ZNF512: variants seen among roughly 807,000 people sequenced by gnomAD.
ZNF512 encodes the protein zinc finger protein 512.
ZNF512 carries 25 observed loss-of-function variants against 77.5 expected under a neutral mutation model. That is an observed-to-expected ratio of 0.32 (90% CI 0.23 to 0.45). The LOEUF (loss-of-function observed/expected upper bound fraction) is 0.45. Ranked by LOEUF, ZNF512 falls within the 20% of genes least tolerant of loss-of-function variation. The pLI, the probability that ZNF512 is intolerant of heterozygous loss-of-function variation, is 1.00. For synonymous variants in ZNF512, 246 were observed against 239.9 expected (o/e 1.03, Z -0.24); for missense variants, 483 against 692.6 (o/e 0.70, Z 3.40).
chr2:27,595,638 T>C (rs1671833367), intron 2 of ZNF512, among the ~76,000 whole-genome samples: 1 of 152,222 alleles, frequency 6.6e-6, no homozygotes, highest in Non-Finnish European at 1.5e-5. Flanking sequence ...CTGGGTCATT[T>C]CTATTGAACG....
At chr2:27,605,770 C>T (rs1672328315) in intron 9 of ZNF512, among the ~76,000 whole-genome samples, 1 of 152,078 alleles carries the variant, frequency 6.6e-6, no homozygotes, top group South Asian at 2.1e-4. Context: ...GCCACTGCAC[C>T]TGGCAAAAAA....
At chr2:27,584,816 G>A (rs749311035) in intron 2 of ZNF512, among the ~76,000 whole-genome samples, 13 of 152,178 alleles carry the variant, frequency 8.5e-5, no homozygotes, top group Admixed American at 3.3e-4. Flanking sequence ...GGATTGCAGG[G>A]AGAGCGTTTA....
chr2:27,610,542 G>A (rs1225279478), intron 10 of ZNF512, among the ~76,000 whole-genome samples: 8 of 42,008 alleles, frequency 1.9e-4, no homozygotes, highest in African/African-American at 7.9e-4. Flanking sequence ...ATATATGTGT[G>A]TGTATATATA....
Position 27,621,342 on chromosome 2 carries a change from A to C in ZNF512, c.1585A>C (p.Arg529=). ...LSLRVGKDQR[R]NNEELVVSAS... Reference sequence around the variant, plus strand: ...TCTTAGAGTAGGGAAGGATCAGAGGAGGAATAATGAGGAACTGGTAGTGTC... The same window carrying C: ...TCTTAGAGTAGGGAAGGATCAGAGGCGGAATAATGAGGAACTGGTAGTGTC... The change falls in exon 14 of 14, where the codon AGG becomes CGG. Residue 529 remains arginine (R), a synonymous_variant. Coordinates refer to ENST00000355467, the MANE Select transcript of ZNF512 (RefSeq NM_032434.4). The C allele has an allele frequency of 1.2e-6, 2 of 1,614,166 alleles. No homozygotes were observed. Among genetic ancestry groups the C allele is most frequent in the Non-Finnish European group, 8.5e-7 (1 of 1,180,024 alleles).
rs1189054796 is a variant in ZNF512 at position 27,622,909 on chromosome 2, G to T, written c.*1448G>T. ...CCTGAATTGGATACTGCCAGAATAGGTAGTTTTGAAACAAGTTAAGGACAT... is the reference window on the plus strand; with the variant it reads ...CCTGAATTGGATACTGCCAGAATAGTTAGTTTTGAAACAAGTTAAGGACAT... On this transcript the variant is annotated 3_prime_UTR_variant, in exon 14 of 14. Transcript: ENST00000355467. The T allele has an allele frequency of 1.3e-5, 2 of 152,754 alleles. No individual in the cohort carries two copies. The highest frequency in any genetic ancestry group is 2.9e-5 in the Non-Finnish European group (2 of 68,036). 9.5% of individuals were successfully genotyped at this position (152,754 alleles called of 1,614,324 possible).
intron 2 of ZNF512, among the ~76,000 whole-genome samples, chr2:27,592,989 C>A (rs1211107238): frequency 6.6e-6 from 1 of 151,708 alleles, no homozygotes; most frequent in African/African-American, 2.4e-5. Flanking sequence ...CTGGCTGATA[C>A]ATTTATATTC....
Position 27,614,227 on chromosome 2 carries a change from G to A in ZNF512, c.1132-941G>A, listed in dbSNP as rs913914712. Among the ~76,000 whole-genome samples, 7 of 152,146 alleles carry A rather than the reference G, an allele frequency of 4.6e-5. No individual in the cohort carries two copies. The East Asian group carries it at 1.4e-3, about 29-fold the overall frequency. On this transcript the variant is annotated intron_variant, in intron 10 of 13. Coordinates refer to ENST00000355467, the MANE Select transcript of ZNF512 (RefSeq NM_032434.4). The stretch of plus-strand genomic sequence containing the variant: ...AGATTGTTTACTCACCAGAAATATA[G>A]CTATTTACCCATGGTGGACTTTGCA...
chr2:27,591,546 C>G (rs1671579637), intron 2 of ZNF512, among the ~76,000 whole-genome samples: 1 of 152,188 alleles, frequency 6.6e-6, no homozygotes, highest in African/African-American at 2.4e-5. Flanking sequence ...TCCCGAGTAG[C>G]TGGGACTACA....
rs1485764818 is a variant in ZNF512, at chr2:27,622,943, C to T, written c.*1482C>T. 2 of 152,806 alleles carry T rather than the reference C, an allele frequency of 1.3e-5. No individual in the cohort carries two copies. The highest frequency in any genetic ancestry group is 2.9e-5 in the Non-Finnish European group (2 of 68,044). The allele number at this position is 152,806 out of a possible 1,614,324, so 9.5% of individuals were successfully genotyped here. A position where few individuals can be genotyped will look rare whatever the true frequency, so the allele number is the denominator to read the frequency against. On this transcript the variant is annotated 3_prime_UTR_variant, in exon 14 of 14. Coordinates refer to ENST00000355467, the MANE Select transcript of ZNF512 (RefSeq NM_032434.4). ...AAACAAGTTAAGGACATGGTATATG[C>T]ACTCTGCATTTTCATTGGCAGTGTG...
At chr2:27,605,565 T>C (rs1672318899) in intron 9 of ZNF512, among the ~76,000 whole-genome samples, 1 of 151,840 alleles carries the variant, frequency 6.6e-6, no homozygotes, top group Admixed American at 6.6e-5. Flanking sequence ...TACCTCTGCC[T>C]CCCGGGCTCA....
In ZNF512 at chr2:27,621,388, A is replaced by G; in HGVS notation, c.1631A>G (p.Glu544Gly). The G allele has an allele frequency of 6.2e-7, 1 of 1,614,078 alleles. No individual in the cohort carries two copies. Among genetic ancestry groups the G allele is most frequent in the East Asian group, 2.2e-5 (1 of 44,886 alleles). ...LVVSASCKEP[E>G]QEPVPAQFQK... Reference sequence around the variant, plus strand: ...GTGTCAGCCTCCTGTAAGGAACCAGAGCAGGAGCCAGTGCCAGCACAGTTC... The same window carrying G: ...GTGTCAGCCTCCTGTAAGGAACCAGGGCAGGAGCCAGTGCCAGCACAGTTC... The change falls in exon 14 of 14, where the codon GAG (glutamate) becomes GGG (glycine). Residue 544 changes from glutamate to glycine, a missense_variant. Physicochemically the swap from Glu to Gly is moderately conservative, Grantham distance 98 (BLOSUM62 -2). This residue lies in a region of ZNF512 where 324 missense variants were observed against 525.0 expected (regional missense o/e 0.62). Coordinates refer to ENST00000355467, the MANE Select transcript of ZNF512 (RefSeq NM_032434.4).
At chr2:27,598,320 T>C in intron 3 of ZNF512, 66 bp downstream of exon 3, 1 of 1,500,900 alleles carries the variant, frequency 6.7e-7, no homozygotes, top group Non-Finnish European at 9.1e-7. Context: ...GAGATTGTTA[T>C]AAATACCTCT....
rs1572920569 is a variant in ZNF512 at position 27,603,296 on chromosome 2, G to C, written c.925G>C (p.Glu309Gln). Reference sequence around the variant, plus strand: ...TGGACTTGCATATCACCTGAGGTCAGAGCATGGGCCTGTGAGTACTGATTC... The same window carrying C: ...TGGACTTGCATATCACCTGAGGTCACAGCATGGGCCTGTGAGTACTGATTC... ...KAGLAYHLRS[E>Q]HGPISFFPES... is the part of the protein sequence containing the mutation. Residue 309 changes from glutamate (E) to glutamine (Q), a missense_variant, in exon 9 of 14, where the codon GAG becomes CAG. By Grantham distance (29) the Glu-to-Gln change is conservative. Coordinates refer to ENST00000355467, the MANE Select transcript of ZNF512 (RefSeq NM_032434.4). The C allele has an allele frequency of 1.9e-6, 3 of 1,613,870 alleles. No individual in the cohort carries two copies. The highest frequency in any genetic ancestry group is 2.5e-6 in the Non-Finnish European group (3 of 1,179,892).
chr2:27,588,333 T>A (rs927512865), intron 2 of ZNF512, among the ~76,000 whole-genome samples: 5 of 152,060 alleles, frequency 3.3e-5, no homozygotes, highest in Non-Finnish European at 7.4e-5. Flanking sequence ...TAAGAAATAA[T>A]AATAATTAAA....
At chr2:27,614,055 T>G (rs1379554237) in intron 10 of ZNF512, among the ~76,000 whole-genome samples, 1 of 152,162 alleles carries the variant, frequency 6.6e-6, no homozygotes, top group Non-Finnish European at 1.5e-5. Flanking sequence ...TCTATAAAAG[T>G]ATTGTGTACC....
At chr2:27,594,504 G>A (rs1484261745) in intron 2 of ZNF512, among the ~76,000 whole-genome samples, 2 of 139,232 alleles carry the variant, frequency 1.4e-5, no homozygotes, top group African/African-American at 2.7e-5. Context: ...CAGGGCGGCC[G>A]GGCAGAGGCG....
intron 2 of ZNF512, among the ~76,000 whole-genome samples, chr2:27,584,662 C>G (rs1671250767): frequency 6.6e-6 from 1 of 152,222 alleles, no homozygotes; most frequent in African/African-American, 2.4e-5. Context: ...GAGCAGGTCA[C>G]TCCTAAGTAG....
At chr2:27,600,384 C>G (rs1002353519) in intron 5 of ZNF512, among the ~76,000 whole-genome samples, 1 of 152,190 alleles carries the variant, frequency 6.6e-6, no homozygotes, top group Non-Finnish European at 1.5e-5. Flanking sequence ...CAGGCTGTGA[C>G]GTTTCTCAGT....
intron 10 of ZNF512, among the ~76,000 whole-genome samples, chr2:27,608,797 TGA>T (rs1336618600): frequency 6.6e-6 from 1 of 151,890 alleles, no homozygotes; most frequent in African/African-American, 2.4e-5. Flanking sequence ...CTGACATATG[TGA>T]GAGGAATGTT....
Sources: gnomAD v4.1 joint callset for allele counts (sites outside exome capture counted in the v4.1 genomes callset) on GRCh38, gnomAD v4.1.1 for gene constraint, gnomAD v4.1.1 regional missense constraint, MANE v1.5 for transcripts, NCBI Gene and HGNC (gene_info 2026-07-23, HGNC 2026-07-21) for gene names.